TERF1: variants seen among roughly 807,000 people sequenced by gnomAD.
TERF1 encodes telomeric repeat-binding factor 1.
TERF1 carries 20 observed loss-of-function variants against 55.1 expected under a neutral mutation model. The observed-to-expected ratio is 0.36, with a 90% confidence interval of 0.26 to 0.53. The LOEUF (loss-of-function observed/expected upper bound fraction) is 0.53. Ranked by LOEUF, TERF1 falls within the 20% of genes least tolerant of loss-of-function variation. TERF1 has a pLI of 0.91. For synonymous variants in TERF1, 168 were observed against 181.2 expected (o/e 0.93, Z 0.59); for missense variants, 439 against 535.7 (o/e 0.82, Z 1.78).
Position 73,039,339 on chromosome 8 carries a change from C to T in TERF1, c.1143+120C>T, listed in dbSNP as rs1809736728. 1.1e-5 allele frequency: 7 copies of T among 651,516 alleles called. No homozygotes were observed. The East Asian group carries it at 2.1e-4, about 19-fold the overall frequency. The allele number at this position is 651,516 out of a possible 1,614,324, so 40.4% of individuals were successfully genotyped here. A position where few individuals can be genotyped will look rare whatever the true frequency, so the allele number is the denominator to read the frequency against. ...TGAGTGTAAAATATTTGCCCTTTGC[C>T]ATCTTTTATTTTGCCGTCTTAGATA... On this transcript the variant is annotated intron_variant, in intron 9 of 9. Transcript: ENST00000276603.
chr8:73,016,657 G>T (rs1416131440), intron 2 of TERF1, among the ~76,000 whole-genome samples: 2 of 151,940 alleles, frequency 1.3e-5, no homozygotes, highest in African/African-American at 4.8e-5. Flanking sequence ...TGAACTCCTT[G>T]CCTTAAGTGA....
chr8:73,014,041 T>C (rs748839404), intron 2 of TERF1, 51 bp downstream of exon 2: 2 of 1,442,622 alleles, frequency 1.4e-6, no homozygotes, highest in African/African-American at 1.4e-5. Flanking sequence ...CTGTTTCTAA[T>C]GTAAGACAAT....
intron 5 of TERF1, among the ~76,000 whole-genome samples, chr8:73,025,674 A>G (rs967462028): frequency 1.4e-4 from 20 of 146,508 alleles, no homozygotes; most frequent in African/African-American, 3.5e-4. Flanking sequence ...GGAGAATGGC[A>G]TGAACCTGGG....
At chr8:73,027,771 G>A (rs548881817) in intron 6 of TERF1, among the ~76,000 whole-genome samples, 2 of 152,270 alleles carry the variant, frequency 1.3e-5, no homozygotes, top group Admixed American at 6.5e-5. Context: ...GGAAATGGAT[G>A]TAATATTACT....
intron 2 of TERF1, among the ~76,000 whole-genome samples, chr8:73,018,289 A>G (rs1211829342): frequency 6.6e-6 from 1 of 152,250 alleles, no homozygotes; most frequent in Non-Finnish European, 1.5e-5. Flanking sequence ...GGAGAGGACA[A>G]CAGGAAATAA....
chr8:73,010,306 T>A (rs375904048), intron 1 of TERF1: 2 of 152,306 alleles, frequency 1.3e-5, no homozygotes, highest in East Asian at 1.9e-4. Context: ...AGTTCAAGGA[T>A]CTTTCCTCTG....
intron 9 of TERF1, among the ~76,000 whole-genome samples, chr8:73,045,322 C>T (rs1809989942): frequency 1.3e-5 from 2 of 152,226 alleles, no homozygotes; most frequent in East Asian, 3.9e-4. Flanking sequence ...GGTCAAATTG[C>T]TCTTTCAGCA....
rs1413249622 is a variant in TERF1 at position 73,046,688 on chromosome 8, G to A, written c.*551G>A. 1 of 152,026 alleles carries A rather than the reference G, an allele frequency of 6.6e-6. No homozygotes were observed. Among genetic ancestry groups the A allele is most frequent in the Non-Finnish European group, 1.5e-5 (1 of 68,028 alleles). 9.4% of individuals were successfully genotyped at this position (152,026 alleles called of 1,614,324 possible). A position where few individuals can be genotyped will look rare whatever the true frequency, so the allele number is the denominator to read the frequency against. On this transcript the variant is annotated 3_prime_UTR_variant, in exon 10 of 10. Transcript: ENST00000276603. ...TTTTTGTATTTTTAGTAGAGGCGGGGTTTCACCATGCTGGTCAGGATGTTC... is the reference window on the plus strand; with the variant it reads ...TTTTTGTATTTTTAGTAGAGGCGGGATTTCACCATGCTGGTCAGGATGTTC...
rs1808149145 is a variant in TERF1 at position 73,009,015 on chromosome 8, A to G, written c.129A>G (p.Glu43=). The change falls in exon 1 of 10, where the codon GAA becomes GAG. Residue 43 remains glutamate, a synonymous_variant. Coordinates refer to ENST00000276603, the MANE Select transcript of TERF1 (RefSeq NM_017489.3). ...RNDEEQFECQ[E]LLECQVQVGA... is the part of the protein sequence containing the mutation. ...ACGAGGAGCAGTTCGAATGCCAGGA[A>G]CTGCTCGAGTGCCAGGTGCAGGTGG... is the stretch of plus-strand genomic sequence containing the variant. 6.2e-7 allele frequency: 1 copy of G among 1,611,680 alleles called. No homozygotes were observed. Among genetic ancestry groups the G allele is most frequent in the Non-Finnish European group, 8.5e-7 (1 of 1,179,438 alleles).
At chr8:73,037,426 T>TATAATAC (rs1006851829) in intron 8 of TERF1, among the ~76,000 whole-genome samples, 1 of 132,152 alleles carries the variant, frequency 7.6e-6, no homozygotes, top group African/African-American at 2.8e-5. Context: ...AATTTTTATA[T>TATAATAC]ATAATATATA....
chr8:73,024,779 CTT>C (rs766959873), intron 4 of TERF1, 41 bp from the exon 5 acceptor site: 10 of 1,403,250 alleles, frequency 7.1e-6, no homozygotes, highest in African/African-American at 5.9e-5. Flanking sequence ...GTATCTGTAA[CTT>C]TGTGTGATTT....
In TERF1 at chr8:73,009,173, A is replaced by T. The variant is rs762882340; in HGVS notation, c.287A>T (p.Glu96Val). 1 of 1,611,004 alleles carries T rather than the reference A, an allele frequency of 6.2e-7. No homozygotes were observed. Among genetic ancestry groups the T allele is most frequent in the Admixed American group, 1.7e-5 (1 of 59,980 alleles). ...CGAGCTTTCCGCGACGGCCGCTCCG[A>T]GGACTTCCGCAGGACCCGCAACAGC... ...LCRAFRDGRSEDFRRTRNSAE... is the reference protein window; with the variant it reads ...LCRAFRDGRSVDFRRTRNSAE... Residue 96 changes from glutamate (E) to valine (V), a missense_variant, in exon 1 of 10, where the codon GAG (glutamate) becomes GTG (valine). Glu to Val is a moderately radical substitution (Grantham distance 121, BLOSUM62 -2). Coordinates refer to ENST00000276603, the MANE Select transcript of TERF1 (RefSeq NM_017489.3).
At chr8:73,027,951 A>G (rs557399333) in intron 6 of TERF1, among the ~76,000 whole-genome samples, 1 of 152,198 alleles carries the variant, frequency 6.6e-6, no homozygotes, top group East Asian at 1.9e-4. Context: ...TCAAAGCATG[A>G]CTTGTTCCTC....
chr8:73,038,812 G>A (rs1586066364), intron 8 of TERF1: 5 of 826,910 alleles, frequency 6.0e-6, no homozygotes, highest in African/African-American at 3.7e-5. Flanking sequence ...AAATTTCAAC[G>A]ATCCTATGCA....
Position 73,024,834 on chromosome 8 carries a change from A to G in TERF1, c.637A>G (p.Lys213Glu). The stretch of plus-strand genomic sequence containing the variant: ...CTGTTTTCTTTAGCCTTTCAAAAGC[A>G]AATTGCTTATGATAATCTCTCAGAA... ...DPNSHMPFKS[K>E]LLMIISQKDT... Residue 213 changes from lysine to glutamate, a missense_variant, in exon 5 of 10, where the codon AAA (lysine) becomes GAA (glutamate). Transcript: ENST00000276603. 6.3e-7 allele frequency: 1 copy of G among 1,582,082 alleles called. No homozygotes were observed. The highest frequency in any genetic ancestry group is 8.6e-7 in the Non-Finnish European group (1 of 1,168,544).
In TERF1 at chr8:73,046,419, T is replaced by TA. The variant is rs1466711147; in HGVS notation, c.*283dup. ...TTCCAATGAAAAAATTAAAACCTGA[T>TA]ACGAAAAAAAAAAAATTCCAGTTAA... On this transcript the variant is annotated 3_prime_UTR_variant, in exon 10 of 10. Transcript: ENST00000276603. 12 of 209,780 alleles carry TA rather than the reference T, an allele frequency of 5.7e-5. No individual in the cohort carries two copies. The highest frequency in any genetic ancestry group is 2.5e-4 in the African/African-American group (11 of 43,194). The allele number at this position is 209,780 out of a possible 1,614,324, so 13.0% of individuals were successfully genotyped here.
At chr8:73,031,882 C>A in intron 7 of TERF1, 160 bp from the exon 8 acceptor site, 1 of 426,862 alleles carries the variant, frequency 2.3e-6, no homozygotes, top group Non-Finnish European at 4.1e-6. Flanking sequence ...CTTAAGAGGC[C>A]ACAGGTTAAG....
At chr8:73,015,790 T>C (rs1449620077) in intron 2 of TERF1, among the ~76,000 whole-genome samples, 1 of 152,192 alleles carries the variant, frequency 6.6e-6, no homozygotes, top group Non-Finnish European at 1.5e-5. Flanking sequence ...TTGTGCCACT[T>C]CACTTCAGCC....
At chr8:73,036,527 T>G (rs1809518032) in intron 8 of TERF1, among the ~76,000 whole-genome samples, 1 of 151,986 alleles carries the variant, frequency 6.6e-6, no homozygotes, top group Non-Finnish European at 1.5e-5. Flanking sequence ...CAAAATACAT[T>G]TCTCTAACAT....
Sources: allele counts gnomAD v4.1 joint callset (sites outside exome capture counted in the v4.1 genomes callset), GRCh38; gene constraint gnomAD v4.1.1; transcripts MANE v1.5; gene names NCBI Gene and HGNC (gene_info 2026-07-23, HGNC 2026-07-21).